STK4: variants seen among roughly 807,000 people sequenced by gnomAD.
The protein encoded by STK4 is serine/threonine-protein kinase 4.
Under a neutral mutation model 64.9 loss-of-function variants are expected in STK4, and 30 were observed. That is an observed-to-expected ratio of 0.46 (90% CI 0.35 to 0.63). STK4 has a LOEUF of 0.63. STK4 is among the 20% of genes least tolerant of loss of function. The pLI is 0.01. For missense variants in STK4, 466 were observed against 598.5 expected (o/e 0.78, Z 2.31); for synonymous variants, 177 against 199.0 (o/e 0.89, Z 0.93).
At chr20:45,046,247 AG>A (rs1310185061) in intron 10 of STK4, among the ~76,000 whole-genome samples, 4 of 151,164 alleles carry the variant, frequency 2.6e-5, no homozygotes, top group Non-Finnish European at 4.4e-5. Flanking sequence ...TGGGCTACAT[AG>A]CAATACCCTG....
At chr20:45,018,915 A>T (rs1432002521) in intron 9 of STK4, among the ~76,000 whole-genome samples, 2 of 152,012 alleles carry the variant, frequency 1.3e-5, no homozygotes, top group African/African-American at 4.8e-5. Flanking sequence ...AAATTTTTGT[A>T]GAGACAGGGT....
chr20:45,013,150 G>A (rs573617940), intron 9 of STK4, among the ~76,000 whole-genome samples: 1 of 151,782 alleles, frequency 6.6e-6, no homozygotes, highest in African/African-American at 2.4e-5. Context: ...AGTAGAGCTG[G>A]TAGTGGACAT....
At chr20:44,971,892 C>T (rs532217353) in intron 1 of STK4, among the ~76,000 whole-genome samples, 186 bp from the exon 2 acceptor site, 35 of 151,918 alleles carry the variant, frequency 2.3e-4, no homozygotes, top group Non-Finnish European at 4.7e-4. Context: ...AGGATGGTCT[C>T]GATCTCCTGA....
chr20:44,985,719 A>G (rs944247574), intron 4 of STK4, among the ~76,000 whole-genome samples: 1 of 152,212 alleles, frequency 6.6e-6, no homozygotes, highest in African/African-American at 2.4e-5. Context: ...AAATTATGAC[A>G]TATTAATTGA....
chr20:44,993,059 T>C (rs562829388), intron 5 of STK4, among the ~76,000 whole-genome samples: 2 of 152,288 alleles, frequency 1.3e-5, no homozygotes, highest in East Asian at 3.9e-4. Flanking sequence ...TTTCAACTTA[T>C]TTGAACTTAT....
chr20:44,992,169 T>G (rs1396369818), intron 5 of STK4, among the ~76,000 whole-genome samples: 1 of 152,018 alleles, frequency 6.6e-6, no homozygotes, highest in Non-Finnish European at 1.5e-5. Context: ...TCTTATGGTT[T>G]CTATCTTTGA....
intron 1 of STK4, among the ~76,000 whole-genome samples, chr20:44,967,592 G>A (rs1469578379): frequency 6.6e-6 from 1 of 152,214 alleles, no homozygotes; most frequent in African/African-American, 2.4e-5. Flanking sequence ...CTGAGGTTCA[G>A]TGTGGTTACT....
Position 45,008,858 on chromosome 20 carries a change from C to T in STK4, c.1147+7505C>T, listed in dbSNP as rs1335421809. ...TCTTTTGAGAAGTGTCTGTTCATGT[C>T]CTTTGCCCATTTTTTAATGGAATTG... On this transcript the variant is annotated intron_variant, in intron 9 of 10. Coordinates refer to ENST00000372806, the MANE Select transcript of STK4 (RefSeq NM_006282.5). Among the ~76,000 whole-genome samples, 11 of 151,982 alleles carry T rather than the reference C, an allele frequency of 7.2e-5. No individual in the cohort carries two copies. In the East Asian group the frequency reaches 2.1e-3, roughly 29 times the overall value.
chr20:44,968,275 C>T (rs1264363424), intron 1 of STK4, among the ~76,000 whole-genome samples: 1 of 152,112 alleles, frequency 6.6e-6, no homozygotes, highest in East Asian at 1.9e-4. Flanking sequence ...GTAACTGGGA[C>T]CACAGGTGCG....
intron 10 of STK4, among the ~76,000 whole-genome samples, chr20:45,064,322 T>A (rs942916689): frequency 6.6e-6 from 1 of 152,216 alleles, no homozygotes. Context: ...GTTTGGTTAC[T>A]GTAGCCTTGT....
chr20:45,048,778 A>G (rs2068734134), intron 10 of STK4, among the ~76,000 whole-genome samples: 1 of 152,108 alleles, frequency 6.6e-6, no homozygotes, highest in Non-Finnish European at 1.5e-5. Flanking sequence ...CACCATGCCC[A>G]GCCATGATAT....
chr20:44,988,024 C>G (rs975919695), intron 5 of STK4, among the ~76,000 whole-genome samples: 9 of 150,616 alleles, frequency 6.0e-5, no homozygotes, highest in Non-Finnish European at 1.3e-4. Context: ...GTTAGGGAGC[C>G]TCAGGTATTG....
At chr20:44,985,524 G>A (rs2067516793) in intron 4 of STK4, among the ~76,000 whole-genome samples, 1 of 152,072 alleles carries the variant, frequency 6.6e-6, no homozygotes, top group African/African-American at 2.4e-5. Context: ...TGTATTTTTA[G>A]TAGAGACAGG....
intron 2 of STK4, chr20:44,972,383 G>A (rs779389872): frequency 4.9e-6 from 2 of 405,956 alleles, no homozygotes; most frequent in Non-Finnish European, 8.8e-6. Flanking sequence ...TCTTTTGTAG[G>A]ATCTGTATGA....
At chr20:45,033,138 ATTTG>A (rs2068472710) in intron 10 of STK4, among the ~76,000 whole-genome samples, 1 of 152,016 alleles carries the variant, frequency 6.6e-6, no homozygotes, top group Non-Finnish European at 1.5e-5. Flanking sequence ...TTACTTGTTA[ATTTG>A]TTTAAGTTCC....
intron 10 of STK4, among the ~76,000 whole-genome samples, chr20:45,058,438 A>T (rs551960447): frequency 6.6e-6 from 1 of 152,260 alleles, no homozygotes; most frequent in East Asian, 1.9e-4. Flanking sequence ...GGGAATTTCT[A>T]TTTGTATTCT....
At chr20:45,046,575 A>G (rs1275129174) in intron 10 of STK4, among the ~76,000 whole-genome samples, 3 of 151,526 alleles carry the variant, frequency 2.0e-5, no homozygotes, top group African/African-American at 7.3e-5. Flanking sequence ...TGTCAGTCTC[A>G]TTCAGGCACT....
intron 5 of STK4, among the ~76,000 whole-genome samples, chr20:44,991,551 T>G (rs2067634022): frequency 6.6e-6 from 1 of 152,234 alleles, no homozygotes; most frequent in Non-Finnish European, 1.5e-5. Context: ...GTATCTTCCC[T>G]GCTATTTCTC....
chr20:44,967,150 C>T (rs907284462), intron 1 of STK4: 2 of 985,152 alleles, frequency 2.0e-6, no homozygotes, highest in African/African-American at 3.5e-5. Flanking sequence ...TGGAGGGTAG[C>T]ATTTCAGAGG....
Sources: allele counts gnomAD v4.1 joint callset (sites outside exome capture counted in the v4.1 genomes callset), GRCh38; gene constraint gnomAD v4.1.1; transcripts MANE v1.5; gene names NCBI Gene and HGNC (gene_info 2026-07-23, HGNC 2026-07-21).